SOX5: variants seen among roughly 807,000 people sequenced by gnomAD.
The protein encoded by SOX5 is transcription factor SOX-5.
A neutral mutation model predicts 92.0 loss-of-function variants in SOX5; 9 were observed. The ratio of observed to expected loss-of-function variants is 0.10; its 90% confidence interval spans 0.06 to 0.17. The LOEUF (loss-of-function observed/expected upper bound fraction) is 0.17. Among genes scored for constraint, SOX5 ranks in the 10% least tolerant of loss-of-function variants. The pLI is 1.00. For missense variants in SOX5, 642 were observed against 944.5 expected (o/e 0.68, Z 4.20); for synonymous variants, 344 against 336.3 (o/e 1.02, Z -0.25).
At chr12:24,146,222 C>T (rs10771061) in intron 4 of SOX5, among the ~76,000 whole-genome samples, 63,900 of 151,882 alleles carry the variant, frequency 0.42, 13,858 homozygotes, top group Middle Eastern at 0.48. Context: ...TTACAGAGTC[C>T]ATATTTAGTC....
chr12:23,951,003 A>ACT (rs1386752995), upstream of SOX5: 83 of 623,340 alleles, frequency 1.3e-4, no homozygotes, highest in Admixed American at 1.7e-3. Flanking sequence ...ACACACACAC[A>ACT]CTCACTCACG....
At chr12:24,308,058 T>C (rs996109090) in intron 2 of SOX5, among the ~76,000 whole-genome samples, 1 of 151,882 alleles carries the variant, frequency 6.6e-6, no homozygotes. Context: ...GATAAGCAGC[T>C]TCCCGATAAG....
chr12:24,451,375 C>T (rs1306155750), intron 1 of SOX5, among the ~76,000 whole-genome samples: 1 of 152,178 alleles, frequency 6.6e-6, no homozygotes, highest in Admixed American at 6.5e-5. Context: ...AACCTCCAAA[C>T]AGTTCTCCAT....
At chr12:23,663,211 C>T (rs1326547439) in intron 7 of SOX5, among the ~76,000 whole-genome samples, 1 of 152,136 alleles carries the variant, frequency 6.6e-6, no homozygotes. Flanking sequence ...TGGTGTGATG[C>T]CAGTTTCAAG....
At chr12:24,101,289 A>G (rs1946064935) in intron 4 of SOX5, among the ~76,000 whole-genome samples, 1 of 152,128 alleles carries the variant, frequency 6.6e-6, no homozygotes, top group East Asian at 1.9e-4. Context: ...TGGCAACACT[A>G]TGATCACGTC....
Position 24,502,852 on chromosome 12 carries a change from C to T in SOX5, c.-251+59477G>A, listed in dbSNP as rs140601775. Among the ~76,000 whole-genome samples the T allele has an allele frequency of 6.6e-5, 10 of 152,280 alleles. No homozygotes were observed. In the East Asian group the frequency reaches 9.6e-4, roughly 15 times the overall value. ...CCCTGAGAAAAACACATCAATTTTA[C>T]GGTATTCTGGCCAAAAGTGCATATC... is the stretch of plus-strand genomic sequence containing the variant. On this transcript the variant is annotated intron_variant, in intron 1 of 4. Transcript: ENST00000446891.
chr12:23,707,253 T>C (rs1452654819), intron 6 of SOX5, among the ~76,000 whole-genome samples: 1 of 152,176 alleles, frequency 6.6e-6, no homozygotes, highest in Non-Finnish European at 1.5e-5. Context: ...TTTCTTTTGT[T>C]TTTAGGCTGG....
intron 1 of SOX5, among the ~76,000 whole-genome samples, chr12:23,914,090 G>C (rs904902429): frequency 1.3e-5 from 2 of 152,100 alleles, no homozygotes; most frequent in Non-Finnish European, 2.9e-5. Context: ...ATAATTATTA[G>C]CTGTTAATAT....
chr12:23,751,185 T>C (rs966594680), intron 4 of SOX5, among the ~76,000 whole-genome samples: 5 of 151,888 alleles, frequency 3.3e-5, no homozygotes, highest in Non-Finnish European at 7.4e-5. Context: ...CTGACTCTTG[T>C]ATTGAACAAA....
At chr12:23,766,879 G>A (rs928038767) in intron 3 of SOX5, among the ~76,000 whole-genome samples, 1 of 152,072 alleles carries the variant, frequency 6.6e-6, no homozygotes, top group African/African-American at 2.4e-5. Context: ...ATTTACTGAT[G>A]TATTTTGATC....
chr12:24,153,006 T>C (rs1488699465), intron 4 of SOX5, among the ~76,000 whole-genome samples: 1 of 152,174 alleles, frequency 6.6e-6, no homozygotes, highest in Non-Finnish European at 1.5e-5. Context: ...TAAAGTGTTC[T>C]CACGCCCTAT....
chr12:23,694,438 T>C (rs931155341), intron 6 of SOX5, among the ~76,000 whole-genome samples: 2 of 152,180 alleles, frequency 1.3e-5, no homozygotes, highest in Non-Finnish European at 2.9e-5. Flanking sequence ...CTCATCTGTG[T>C]CTCTCTGCAA....
intron 7 of SOX5, among the ~76,000 whole-genome samples, chr12:23,657,460 T>A (rs1423736592): frequency 6.6e-6 from 1 of 152,140 alleles, no homozygotes; most frequent in Non-Finnish European, 1.5e-5. Context: ...TATCTTAGCT[T>A]GTTTTACTAA....
chr12:23,899,345 G>T (rs768109292), intron 1 of SOX5, among the ~76,000 whole-genome samples: 9 of 146,608 alleles, frequency 6.1e-5, no homozygotes, highest in Admixed American at 4.1e-4. Context: ...AGGTTGTAGT[G>T]AGCCGAGATC....
chr12:24,095,122 CACACACAGAG>C (rs1252521685), intron 4 of SOX5, among the ~76,000 whole-genome samples: 1,492 of 93,960 alleles, frequency 0.016, 28 homozygotes, highest in African/African-American at 0.039. Flanking sequence ...CACACACACA[CACACACAGAG>C]AGAGAGAGAG....
intron 4 of SOX5, among the ~76,000 whole-genome samples, chr12:24,178,734 G>A (rs185279752): frequency 2.6e-5 from 4 of 152,336 alleles, no homozygotes; most frequent in Middle Eastern, 3.4e-3. Context: ...CACCTGCTAA[G>A]TGCCAGGCAT....
At chr12:23,575,175 C>T (rs1382892574) in intron 10 of SOX5, among the ~76,000 whole-genome samples, 4 of 152,116 alleles carry the variant, frequency 2.6e-5, no homozygotes, top group Non-Finnish European at 1.5e-5. Flanking sequence ...TTGAAGCTAT[C>T]CACTCTTTAT....
At chr12:24,223,100 TTTC>T (rs1960912497) in intron 3 of SOX5, among the ~76,000 whole-genome samples, 1 of 152,208 alleles carries the variant, frequency 6.6e-6, no homozygotes, top group Non-Finnish European at 1.5e-5. Flanking sequence ...TATTTAGATG[TTTC>T]TTCATGTGTA....
intron 1 of SOX5, among the ~76,000 whole-genome samples, chr12:24,385,926 C>CAAAAA (rs35813329): frequency 7.9e-4 from 57 of 71,876 alleles, no homozygotes; most frequent in South Asian, 3.8e-3. Context: ...GACCTTGTCA[C>CAAAAA]AAAAAAAAAA....
Sources: gnomAD v4.1 joint callset for allele counts (sites outside exome capture counted in the v4.1 genomes callset) on GRCh38, gnomAD v4.1.1 for gene constraint, MANE v1.5 for transcripts, NCBI Gene and HGNC (gene_info 2026-07-23, HGNC 2026-07-21) for gene names.